The following STAB2 variants were observed in gnomAD, a reference collection of about 807,000 sequenced individuals.
STAB2 encodes stabilin-2.
STAB2 carries 288 observed loss-of-function variants against 338.1 expected under a neutral mutation model. The observed-to-expected ratio is 0.85, with a 90% CI of 0.77 to 0.94. The LOEUF is 0.94. STAB2 is among the 40% of genes least tolerant of loss of function. STAB2 has a pLI of 0.00. For missense variants in STAB2, 3,141 were observed against 3,210.1 expected (o/e 0.98, Z 0.52); for synonymous variants, 1,202 against 1,193.3 (o/e 1.01, Z -0.15).
intron 44 of STAB2, 48 bp from the exon 45 acceptor site, chr12:103,724,927 A>G: frequency 1.3e-6 from 2 of 1,589,636 alleles, no homozygotes; most frequent in South Asian, 2.2e-5. Context: ...AGAGCTGGCA[A>G]ACTAACTGGT....
chr12:103,712,005 T>C (rs1393097080), intron 40 of STAB2, among the ~76,000 whole-genome samples: 2 of 152,208 alleles, frequency 1.3e-5, no homozygotes, highest in East Asian at 3.8e-4. Flanking sequence ...ATTCTTCATT[T>C]GTAAATGGGA....
intron 22 of STAB2, 111 bp downstream of exon 22, chr12:103,670,918 A>G (rs12424164): frequency 0.12 from 95,483 of 820,448 alleles, 6,278 homozygotes; most frequent in African/African-American, 0.22. Flanking sequence ...CTTGGGTTAC[A>G]CCATCATCAC....
chr12:103,693,424 G>A (rs1333915649), intron 31 of STAB2, among the ~76,000 whole-genome samples: 2 of 151,966 alleles, frequency 1.3e-5, no homozygotes, highest in Non-Finnish European at 2.9e-5. Flanking sequence ...GCAACAGAGC[G>A]AGACTGTCTC....
At chr12:103,685,459 T>TGTGTGTGTGTGTGTGTGTGTGC (rs746468070) in intron 27 of STAB2, among the ~76,000 whole-genome samples, 4 of 135,538 alleles carry the variant, frequency 3.0e-5, no homozygotes, top group African/African-American at 1.0e-4. Flanking sequence ...TGTGTGCGCG[T>TGTGTGTGTGTGTGTGTGTGTGC]GCGTGTGTGT....
At chr12:103,648,866 TCAGGAAAG>T (rs748955869) in intron 10 of STAB2, 43 bp downstream of exon 10, 1 of 1,600,738 alleles carries the variant, frequency 6.2e-7, no homozygotes, top group South Asian at 1.1e-5. Context: ...AAGTCCTCTT[TCAGGAAAG>T]GGCATCTGCA....
chr12:103,617,653 G>A (rs1957231219), intron 3 of STAB2, among the ~76,000 whole-genome samples: 1 of 152,174 alleles, frequency 6.6e-6, no homozygotes, highest in African/African-American at 2.4e-5. Context: ...TAGCCTAGTT[G>A]GTGAGAGCAA....
chr12:103,670,684 C>T lies in STAB2; in HGVS notation c.2260-12C>T. ...TGTCCTAATGGCCCATGGGCCCTGC[C>T]TTTGCTCCCAGTGTGCAGATAGCCT... On this transcript the variant is annotated splice_polypyrimidine_tract_variant and intron_variant, in intron 21 of 68. Coordinates refer to ENST00000388887, the MANE Select transcript of STAB2 (RefSeq NM_017564.10). 1 of 1,611,794 alleles carries T rather than the reference C, an allele frequency of 6.2e-7. No homozygotes were observed. The highest frequency in any genetic ancestry group is 1.1e-5 in the South Asian group (1 of 90,772).
At chr12:103,765,956 T>A in intron 68 of STAB2, 1 of 428,424 alleles carries the variant, frequency 2.3e-6, no homozygotes, top group South Asian at 2.0e-5. Flanking sequence ...TGTGAGGTGC[T>A]TATACCTTGC....
At chr12:103,662,630 G>T (rs545664205) in intron 17 of STAB2, among the ~76,000 whole-genome samples, 24 of 152,200 alleles carry the variant, frequency 1.6e-4, no homozygotes, top group African/African-American at 5.3e-4. Flanking sequence ...TTTCTACAAG[G>T]GCATCCTTGC....
intron 3 of STAB2, among the ~76,000 whole-genome samples, chr12:103,618,061 G>A (rs916983498): frequency 6.6e-6 from 1 of 152,184 alleles, no homozygotes; most frequent in Non-Finnish European, 1.5e-5. Flanking sequence ...GGAGCCCCCA[G>A]GGTCTCTTTC....
At position 103,702,294 on chromosome 12, in the gene STAB2, ATT is replaced by A. The variant is rs34124272; in HGVS notation, c.3715-840_3715-839del. On this transcript the variant is annotated intron_variant, in intron 34 of 68. Transcript: ENST00000388887. ...ACCATTTTTTAAAAAATTATCAGTT[ATT>A]TTTTTTTTTTTTTGAGACGGAGTCT... Among the ~76,000 whole-genome samples the A allele has an allele frequency of 9.8e-4, 140 of 143,552 alleles. 1 individual carries two copies. Among genetic ancestry groups the A allele is most frequent in the Admixed American group, 6.3e-3 (91 of 14,492 alleles). The allele number at this position is 143,552 out of a possible 152,430, so 94.2% of individuals were successfully genotyped here.
intron 61 of STAB2, among the ~76,000 whole-genome samples, chr12:103,753,998 C>G (rs1883900002): frequency 6.6e-6 from 1 of 152,194 alleles, no homozygotes; most frequent in African/African-American, 2.4e-5. Flanking sequence ...AACTAGAAGT[C>G]CTACCCATTT....
At chr12:103,694,634 T>C (rs1481439071) in intron 31 of STAB2, among the ~76,000 whole-genome samples, 1 of 152,172 alleles carries the variant, frequency 6.6e-6, no homozygotes, top group Non-Finnish European at 1.5e-5. Context: ...TACTGTAGTA[T>C]GCTGTGAGCT....
At chr12:103,760,402 AGGTGCCC>A (rs1024561166) in intron 65 of STAB2, among the ~76,000 whole-genome samples, 1 of 152,166 alleles carries the variant, frequency 6.6e-6, no homozygotes, top group Non-Finnish European at 1.5e-5. Context: ...CTGGGACTAC[AGGTGCCC>A]GCCACCACAC....
At chr12:103,755,755 G>A (rs1170374352) in intron 63 of STAB2, 37 bp downstream of exon 63, 2 of 1,606,342 alleles carry the variant, frequency 1.2e-6, no homozygotes, top group South Asian at 1.1e-5. Flanking sequence ...CTCAGGCAGG[G>A]AGGGGTTGCC....
At chr12:103,590,431 CAG>C (rs1290825604) in intron 1 of STAB2, among the ~76,000 whole-genome samples, 1 of 152,202 alleles carries the variant, frequency 6.6e-6, no homozygotes, top group Non-Finnish European at 1.5e-5. Context: ...GGCACTGGCA[CAG>C]TGCTGGCTCC....
chr12:103,664,899 C>T (rs1380493006), intron 18 of STAB2, among the ~76,000 whole-genome samples: 12 of 152,198 alleles, frequency 7.9e-5, no homozygotes, highest in Admixed American at 6.5e-4. Context: ...ACTTTCCTAG[C>T]CAGTCCCCAG....
At position 103,690,010 on chromosome 12, in the gene STAB2, C is replaced by T. The variant is rs201216601; in HGVS notation, c.3182+28C>T. 4.2e-4 allele frequency: 677 copies of T among 1,605,572 alleles called. 1 individual carries two copies. Among genetic ancestry groups the T allele is most frequent in the Admixed American group, 1.0e-3 (59 of 58,570 alleles). ...AGGTGTTACTTATTTTATTTTACAT[C>T]GTATCTGAATGGCATCTGTGTAAAC... On this transcript the variant is annotated intron_variant, in intron 29 of 68. Transcript: ENST00000388887.
chr12:103,697,155 C>T (rs1453614954), intron 33 of STAB2, among the ~76,000 whole-genome samples: 2 of 152,170 alleles, frequency 1.3e-5, no homozygotes, highest in Non-Finnish European at 2.9e-5. Context: ...AGGTGAGCTG[C>T]TCTCTCCCGC....
Sources: allele counts gnomAD v4.1 joint callset (sites outside exome capture counted in the v4.1 genomes callset), GRCh38; gene constraint gnomAD v4.1.1; transcripts MANE v1.5; gene names NCBI Gene and HGNC (gene_info 2026-07-23, HGNC 2026-07-21).